The following NOM1 variants were observed in gnomAD, a reference collection of about 807,000 sequenced individuals.
The protein encoded by NOM1 is nucleolar protein with MIF4G domain 1.
Under a neutral mutation model 73.3 loss-of-function variants are expected in NOM1, and 58 were observed. That is an observed-to-expected ratio of 0.79 (90% CI 0.64 to 0.99). The LOEUF (loss-of-function observed/expected upper bound fraction) is 0.99. Ranked by LOEUF, NOM1 falls within the 50% of genes least tolerant of loss-of-function variation. NOM1 has a pLI of 0.00. For synonymous variants in NOM1, 487 were observed against 446.8 expected (o/e 1.09, Z -1.14); for missense variants, 1,226 against 1,131.9 (o/e 1.08, Z -1.19).
rs897240128 is a variant in NOM1 at position 156,970,223 on chromosome 7, T to C, written c.*520T>C. 1 of 149,806 alleles carries C rather than the reference T, an allele frequency of 6.7e-6. No individual in the cohort carries two copies. The highest frequency in any genetic ancestry group is 1.5e-5 in the Non-Finnish European group (1 of 67,860). The allele number at this position is 149,806 out of a possible 1,614,324, so 9.3% of individuals were successfully genotyped here. A position where few individuals can be genotyped will look rare whatever the true frequency, so the allele number is the denominator to read the frequency against. On this transcript the variant is annotated 3_prime_UTR_variant, in exon 11 of 11. Transcript: ENST00000275820. ...TGGACCCTGGAGGTAGAGGCTGCAG[T>C]GAGCCAAGATTGTACCACTGTACTC...
At chr7:156,957,802 A>G (rs1422540846) in intron 3 of NOM1, among the ~76,000 whole-genome samples, 1 of 149,316 alleles carries the variant, frequency 6.7e-6, no homozygotes, top group Non-Finnish European at 1.5e-5. Context: ...AAAAAAAAAG[A>G]AAAAGAAAAT....
intron 7 of NOM1, among the ~76,000 whole-genome samples, chr7:156,965,910 TC>T: frequency 1.4e-5 from 1 of 72,574 alleles, no homozygotes; most frequent in African/African-American, 4.1e-5. Flanking sequence ...CAAGACTGTC[TC>T]AAAAAAAAAA....
Position 156,963,900 on chromosome 7 carries a change from T to C in NOM1, c.1912-5T>C. On this transcript the variant is annotated splice_polypyrimidine_tract_variant and splice_region_variant and intron_variant, in intron 6 of 10. Transcript: ENST00000275820. ...GTATGACTTGTCCATTCATCGTGCT[T>C]CCAGGTCAGTTCAAAGATCCTAGAA... The C allele has an allele frequency of 6.2e-7, 1 of 1,612,952 alleles. No individual in the cohort carries two copies. The highest frequency in any genetic ancestry group is 8.5e-7 in the Non-Finnish European group (1 of 1,179,426).
intron 3 of NOM1, among the ~76,000 whole-genome samples, chr7:156,955,468 G>C (rs567409599): frequency 1.3e-4 from 12 of 91,146 alleles, no homozygotes; most frequent in African/African-American, 4.3e-4. Context: ...TAACCCATTT[G>C]GATCTTTAAA....
At chr7:156,962,910 C>A in intron 5 of NOM1, 98 bp from the exon 6 acceptor site, 1 of 1,337,484 alleles carries the variant, frequency 7.5e-7, no homozygotes, top group Non-Finnish European at 1.0e-6. Context: ...TATTCATGCA[C>A]CAGAAATGTC....
At position 156,963,718 on chromosome 7, in the gene NOM1, C is replaced by T. The variant is rs1804925662; in HGVS notation, c.1912-187C>T. The T allele has an allele frequency of 1.3e-5, 7 of 533,006 alleles. No individual in the cohort carries two copies. In the South Asian group the frequency reaches 2.1e-4, roughly 16 times the overall value. The allele number at this position is 533,006 out of a possible 1,614,324, so 33.0% of individuals were successfully genotyped here. On this transcript the variant is annotated intron_variant, in intron 6 of 10. Coordinates refer to ENST00000275820, the MANE Select transcript of NOM1 (RefSeq NM_138400.2). ...CCTCCCACATGAGTGTTTTCTCCCCCAGCGGCTGTGGCTTCACTATGTGTT... is the reference window on the plus strand; with the variant it reads ...CCTCCCACATGAGTGTTTTCTCCCCTAGCGGCTGTGGCTTCACTATGTGTT...
rs745782087 is a variant in NOM1 at position 156,952,478 on chromosome 7, T to C, written c.992T>C (p.Leu331Pro). Residue 331 changes from leucine to proline, a missense_variant, in exon 2 of 11, where the codon CTT (leucine) becomes CCT (proline). By Grantham distance (98) the Leu-to-Pro change is moderately conservative. Coordinates refer to ENST00000275820, the MANE Select transcript of NOM1 (RefSeq NM_138400.2). ...SEDGDITDKS[L>P]CGSGEKYIPP... The stretch of plus-strand genomic sequence containing the variant: ...TTTATTTCTCTTTTCAAGCAGAGTC[T>C]TTGTGGAAGTGGTGAAAAGTACATC... 2 of 1,609,838 alleles carry C rather than the reference T, an allele frequency of 1.2e-6. No homozygotes were observed. The highest frequency in any genetic ancestry group is 1.3e-5 in the African/African-American group (1 of 74,640).
In NOM1 at chr7:156,969,736, A is replaced by C. The variant is rs1478956874; in HGVS notation, c.*33A>C. ...AGGAAGGAGGGCAGGTGGCCCTTTG[A>C]CTGTAAAATGTCCTTGGTAAACCCA... On this transcript the variant is annotated 3_prime_UTR_variant, in exon 11 of 11. Coordinates refer to ENST00000275820, the MANE Select transcript of NOM1 (RefSeq NM_138400.2). 1 of 1,578,638 alleles carries C rather than the reference A, an allele frequency of 6.3e-7. No homozygotes were observed.
intron 9 of NOM1, among the ~76,000 whole-genome samples, chr7:156,967,563 GCT>G (rs1227331775): frequency 1.3e-5 from 2 of 152,114 alleles, no homozygotes; most frequent in Admixed American, 1.3e-4. Context: ...GATGGGAGTT[GCT>G]CTGTCACCCA....
chr7:156,957,985 G>A (rs1267684805), intron 3 of NOM1, among the ~76,000 whole-genome samples: 3 of 152,156 alleles, frequency 2.0e-5, no homozygotes, highest in East Asian at 1.9e-4. Flanking sequence ...TAAGTCTCAG[G>A]TCTTTACAAA....
intron 4 of NOM1, among the ~76,000 whole-genome samples, chr7:156,961,186 G>T (rs917323744): frequency 2.6e-5 from 4 of 152,180 alleles, no homozygotes; most frequent in Non-Finnish European, 2.9e-5. Flanking sequence ...CTAGCTGCAG[G>T]CAGGAGGGAG....
intron 9 of NOM1, 93 bp downstream of exon 9, chr7:156,967,185 T>C: frequency 7.0e-7 from 1 of 1,425,268 alleles, no homozygotes. Context: ...ACCAGCGTAT[T>C]TTCTTCGATT....
chr7:156,956,190 C>T (rs1183874206), intron 3 of NOM1, among the ~76,000 whole-genome samples: 2 of 104,570 alleles, frequency 1.9e-5, no homozygotes, highest in African/African-American at 7.3e-5. Flanking sequence ...GAGACTCAGT[C>T]TCAAAAAAAA....
chr7:156,960,811 G>T (rs376780554), intron 4 of NOM1, among the ~76,000 whole-genome samples: 20 of 152,332 alleles, frequency 1.3e-4, no homozygotes, highest in African/African-American at 4.8e-4. Flanking sequence ...GCAGAAAGAG[G>T]CATGAGGTGG....
rs1586578466 is a variant in NOM1 at position 156,969,796 on chromosome 7, G to A, written c.*93G>A. The A allele has an allele frequency of 1.8e-5, 22 of 1,213,746 alleles. No homozygotes were observed. The highest frequency in any genetic ancestry group is 2.5e-5 in the Non-Finnish European group (22 of 886,862). The allele number at this position is 1,213,746 out of a possible 1,614,324, so 75.2% of individuals were successfully genotyped here. On this transcript the variant is annotated 3_prime_UTR_variant, in exon 11 of 11. Transcript: ENST00000275820. ...TCTGTTGCCTGCGTGTGAATGTTTGGTAGAGCTATATCATTGTCTGTTAAT... is the reference window on the plus strand; with the variant it reads ...TCTGTTGCCTGCGTGTGAATGTTTGATAGAGCTATATCATTGTCTGTTAAT...
Position 156,966,433 on chromosome 7 carries a change from C to T in NOM1, c.2166+31C>T, listed in dbSNP as rs374152737. On this transcript the variant is annotated intron_variant, in intron 8 of 10. Transcript: ENST00000275820. ...TTAGTGCGGAGGCACCAGTTACGTC[C>T]GCTCTACTATTTTTTCTACACAGGC... 3.5e-4 allele frequency: 570 copies of T among 1,612,372 alleles called. 1 individual carries two copies. The Middle Eastern group carries it at 4.1e-3, about 12-fold the overall frequency.
At chr7:156,960,396 G>A (rs917378457) in intron 4 of NOM1, 11 of 527,430 alleles carry the variant, frequency 2.1e-5, no homozygotes, top group African/African-American at 5.9e-5. Context: ...ACATTCATCC[G>A]TTAAAAAATG....
intron 9 of NOM1, among the ~76,000 whole-genome samples, chr7:156,967,475 G>A (rs1028845735): frequency 3.3e-5 from 5 of 152,154 alleles, no homozygotes; most frequent in African/African-American, 1.2e-4. Flanking sequence ...AAAACTGTAG[G>A]CTTTCTCCTG....
At position 156,950,509 on chromosome 7, in the gene NOM1, G is replaced by T. The variant is rs764907170; in HGVS notation, c.772G>T (p.Glu258Ter). 10 of 1,614,134 alleles carry T rather than the reference G, an allele frequency of 6.2e-6. No individual in the cohort carries two copies. In the East Asian group the frequency reaches 2.2e-4, roughly 36 times the overall value. The change falls in exon 1 of 11, where the codon GAA (glutamate) becomes TAA (stop). Residue 258 changes from glutamate (E) to a stop codon, truncating the protein, a stop_gained. Coordinates refer to ENST00000275820, the MANE Select transcript of NOM1 (RefSeq NM_138400.2). LOFTEE classifies it high-confidence loss of function. ...TGACTTAGAGAGTGACTCCCAGGAC[G>T]AAAGTGAGGAGGAGGAGGAGGGAGA... ...ESDLESDSQD[E>*]SEEEEEGDVE...
Sources: gnomAD v4.1 joint callset for allele counts (sites outside exome capture counted in the v4.1 genomes callset) on GRCh38, gnomAD v4.1.1 for gene constraint, MANE v1.5 for transcripts, NCBI Gene and HGNC (gene_info 2026-07-23, HGNC 2026-07-21) for gene names.